Variants in FBN3 observed in about 807,000 individuals in gnomAD.
FBN3 encodes the protein fibrillin 3.
In FBN3, 234 loss-of-function variants were observed where a neutral mutation model predicts 330.1. That is an observed-to-expected ratio of 0.71 (90% CI 0.64 to 0.79). The LOEUF (loss-of-function observed/expected upper bound fraction) is 0.79, where lower values mean the gene tolerates loss of function less well. FBN3 is among the 30% of genes least tolerant of loss of function. The probability of loss-of-function intolerance (pLI) is 0.00; values close to 1 mark genes in which losing one functional copy is unlikely to be tolerated. For synonymous variants in FBN3, 1,458 were observed against 1,517.3 expected (o/e 0.96, Z 0.91); for missense variants, 3,606 against 3,886.9 (o/e 0.93, Z 1.92).
chr19:8,135,936 G>GGGGGGGGGGGCGGCCCCCCCC, intron 13 of FBN3, 25 bp downstream of exon 13: 1 of 668,776 alleles, frequency 1.5e-6, no homozygotes, highest in Non-Finnish European at 2.4e-6. Flanking sequence ...GGAAGCCCCT[G>GGGGGGGGGGGCGGCCCCCCCC]CCCACCCGCC....
At chr19:8,124,927 C>T (rs1247118679) in intron 22 of FBN3, among the ~76,000 whole-genome samples, 1 of 152,174 alleles carries the variant, frequency 6.6e-6, no homozygotes, top group East Asian at 1.9e-4. Flanking sequence ...CATAGAATGT[C>T]CAATACACCA....
At chr19:8,135,935 T>TTGGGGGGGGGGGGGGGGGGGGGGCCGG in intron 13 of FBN3, 26 bp downstream of exon 13, 1 of 1,344,156 alleles carries the variant, frequency 7.4e-7, no homozygotes, top group Non-Finnish European at 1.0e-6. Flanking sequence ...CGGAAGCCCC[T>TTGGGGGGGGGGGGGGGGGGGGGGCCGG]GCCCACCCGC....
In FBN3 at chr19:8,133,010, A is replaced by G. The variant is rs1234807075; in HGVS notation, c.1688T>C (p.Leu563Pro). ...FSCLCKPGFLLAPGGHYCMDI... is the reference protein window; with the variant it reads ...FSCLCKPGFLPAPGGHYCMDI... Reference sequence around the variant, plus strand: ...CATGCAGTAGTGGCCGCCAGGCGCCAGCAGGAAGCCGGGTTTGCAGAGGCA... The same window carrying G: ...CATGCAGTAGTGGCCGCCAGGCGCCGGCAGGAAGCCGGGTTTGCAGAGGCA... The change falls in exon 14 of 64, where the codon CTG becomes CCG. Residue 563 changes from leucine (L) to proline (P), a missense_variant. Transcript: ENST00000600128. 3.8e-6 allele frequency: 6 copies of G among 1,576,646 alleles called. No homozygotes were observed. Among genetic ancestry groups the G allele is most frequent in the Non-Finnish European group, 5.2e-6 (6 of 1,164,160 alleles).
chr19:8,130,619 A>AG lies in FBN3; in HGVS notation c.2044+615dup, dbSNP rs1555750476. On this transcript the variant is annotated intron_variant, in intron 16 of 63. Transcript: ENST00000600128. The stretch of plus-strand genomic sequence containing the variant: ...AAGAAAGAAAGAAAGAAAGAAAGAA[A>AG]GAAAGAAAGAAAGAAAGAAAGAAAG... Among the ~76,000 whole-genome samples, 13 of 9,706 alleles carry AG rather than the reference A, an allele frequency of 1.3e-3. 2 individuals are homozygous for AG. The highest frequency in any genetic ancestry group is 7.2e-3 in the African/African-American group (8 of 1,118). 6.4% of individuals were successfully genotyped at this position (9,706 alleles called of 152,430 possible).
chr19:8,103,291 C>T (rs1187612471), intron 39 of FBN3, among the ~76,000 whole-genome samples: 3 of 130,010 alleles, frequency 2.3e-5, no homozygotes, highest in African/African-American at 7.9e-5. Flanking sequence ...AAAAAGATTA[C>T]TGGCTGGCTT....
intron 57 of FBN3, among the ~76,000 whole-genome samples, chr19:8,082,870 T>C (rs1256070649): frequency 9.6e-6 from 1 of 104,218 alleles, no homozygotes; most frequent in Non-Finnish European, 1.9e-5. Flanking sequence ...TCACCCAGGC[T>C]GGACTGCAGT....
At chr19:8,100,741 G>A (rs73505652) in intron 41 of FBN3, among the ~76,000 whole-genome samples, 160 bp downstream of exon 41, 2,374 of 152,172 alleles carry the variant, frequency 0.016, 70 homozygotes, top group African/African-American at 0.055. Flanking sequence ...AAGTGTTATT[G>A]AGGGCAGGAT....
chr19:8,144,888 T>C lies in FBN3; in HGVS notation c.530A>G (p.Gln177Arg). ...CGCATGCTTGGTACCTCTCTCACAT[T>C]GAGGTCCCATGAAGCCATACACACA... ...CACVYGFMGP[Q>R]CERDYRTGPC... Residue 177 changes from glutamine (Q) to arginine (R), a missense_variant, in exon 6 of 64, where the codon CAA (glutamine) becomes CGA (arginine). Gln to Arg is a conservative substitution (Grantham distance 43, BLOSUM62 1). Coordinates refer to ENST00000600128, the MANE Select transcript of FBN3 (RefSeq NM_032447.5). 1 of 1,609,136 alleles carries C rather than the reference T, an allele frequency of 6.2e-7. No homozygotes were observed. Among genetic ancestry groups the C allele is most frequent in the Non-Finnish European group, 8.5e-7 (1 of 1,178,300 alleles).
chr19:8,127,067 T>G lies in FBN3; in HGVS notation c.2297-235A>C, dbSNP rs557490847. Among the ~76,000 whole-genome samples, 19 of 148,736 alleles carry G rather than the reference T, an allele frequency of 1.3e-4. No homozygotes were observed. The East Asian group carries it at 2.6e-3, about 20-fold the overall frequency. On this transcript the variant is annotated intron_variant, in intron 18 of 63. Coordinates refer to ENST00000600128, the MANE Select transcript of FBN3 (RefSeq NM_032447.5). The stretch of plus-strand genomic sequence containing the variant: ...CAAACTGTTTTTTTTTTGTTTTTTT[T>G]TTTTTTTTGAGACAGAGTCTCGCTC...
chr19:8,127,620 C>G (rs1010487102), intron 18 of FBN3, among the ~76,000 whole-genome samples: 2 of 152,208 alleles, frequency 1.3e-5, no homozygotes, highest in African/African-American at 4.8e-5. Context: ...TCTCCTCGGG[C>G]TTGATCATCC....
At chr19:8,128,132 C>T (rs918395030) in intron 18 of FBN3, among the ~76,000 whole-genome samples, 1 of 152,232 alleles carries the variant, frequency 6.6e-6, no homozygotes, top group Admixed American at 6.5e-5. Flanking sequence ...GCCCTGCCAG[C>T]ACACAGATAT....
At chr19:8,094,635 A>T in intron 46 of FBN3, 70 bp from the exon 47 acceptor site, 1 of 1,534,818 alleles carries the variant, frequency 6.5e-7, no homozygotes, top group Non-Finnish European at 8.9e-7. Context: ...ACTGGGACCA[A>T]CACCTGCAAT....
Position 8,138,127 on chromosome 19 carries a change from G to T in FBN3, c.1201+14C>A. 1.3e-6 allele frequency: 2 copies of T among 1,590,696 alleles called. No homozygotes were observed. The highest frequency in any genetic ancestry group is 1.8e-5 in the Admixed American group (1 of 54,090). On this transcript the variant is annotated intron_variant, in intron 10 of 63. Coordinates refer to ENST00000600128, the MANE Select transcript of FBN3 (RefSeq NM_032447.5). ...TCAAGTCTTGGAATGTTCCTCCCAAGCCCCAGGCCTCACCAATATTAGAGT... is the reference window on the plus strand; with the variant it reads ...TCAAGTCTTGGAATGTTCCTCCCAATCCCCAGGCCTCACCAATATTAGAGT...
chr19:8,088,009 C>T, intron 52 of FBN3, 51 bp downstream of exon 52: 2 of 1,614,058 alleles, frequency 1.2e-6, no homozygotes, highest in Non-Finnish European at 1.7e-6. Context: ...CCACTCCCTC[C>T]CCCAGGCATC....
chr19:8,111,145 TG>T lies in FBN3; in HGVS notation c.4122del (p.Asp1374GlufsTer80). ...DECAENVDLCDNGQCLNAPGG... is the reference protein window; with the variant it reads ...DECAENVDLCXNGQCLNAPGG... ...CCGGGCGCATTGAGGCACTGCCCGTTGTCACAGAGGTCCACGTTCTCGGCAC... is the reference window on the plus strand; with the variant it reads ...CCGGGCGCATTGAGGCACTGCCCGTTTCACAGAGGTCCACGTTCTCGGCAC... On this transcript the variant is annotated frameshift_variant, in exon 33 of 64. Transcript: ENST00000600128. LOFTEE classifies it high-confidence loss of function. The T allele has an allele frequency of 6.2e-7, 1 of 1,612,564 alleles. No individual in the cohort carries two copies. The highest frequency in any genetic ancestry group is 8.5e-7 in the Non-Finnish European group (1 of 1,179,194).
rs781083547 is a variant in FBN3 at position 8,121,396 on chromosome 19, G to GA, written c.3083-11dup. On this transcript the variant is annotated splice_polypyrimidine_tract_variant and intron_variant, in intron 24 of 63. Transcript: ENST00000600128. The surrounding 1 kb of genome is among the most constrained non-coding windows in gnomAD (Gnocchi z 4.5). Reference sequence around the variant, plus strand: ...CGACACTCGTCGATATCTGTGGGGAGAGGGGGCAGAGGCCGGAGGCGCCAT... The same window carrying GA: ...CGACACTCGTCGATATCTGTGGGGAGAAGGGGGCAGAGGCCGGAGGCGCCAT... 60 of 1,562,668 alleles carry GA rather than the reference G, an allele frequency of 3.8e-5. No homozygotes were observed. Among genetic ancestry groups the GA allele is most frequent in the Non-Finnish European group, 4.7e-5 (54 of 1,160,864 alleles).
At chr19:8,105,309 G>GTAC (rs2082415869) in intron 38 of FBN3, among the ~76,000 whole-genome samples, 1 of 149,542 alleles carries the variant, frequency 6.7e-6, no homozygotes, top group Non-Finnish European at 1.5e-5. Context: ...CCAGGCTGGA[G>GTAC]TACAGTGGCA....
At position 8,142,057 on chromosome 19, in the gene FBN3, C is replaced by T. The variant is rs768262513; in HGVS notation, c.622G>A (p.Ala208Thr). 3.7e-6 allele frequency: 6 copies of T among 1,614,106 alleles called. No homozygotes were observed. In the South Asian group the frequency reaches 5.5e-5, roughly 15 times the overall value. The change falls in exon 7 of 64, where the codon GCA becomes ACA. Residue 208 changes from alanine (A) to threonine (T), a missense_variant. Coordinates refer to ENST00000600128, the MANE Select transcript of FBN3 (RefSeq NM_032447.5). ...HQLTGLVCTKALCCATVGRAW... is the reference protein window; with the variant it reads ...HQLTGLVCTKTLCCATVGRAW... The stretch of plus-strand genomic sequence containing the variant: ...CGGCCCACAGTGGCACAGCAAAGTG[C>T]CTTGGTGCACACGAGGCCCGTCAGC...
intron 29 of FBN3, among the ~76,000 whole-genome samples, chr19:8,116,136 G>A (rs564716896): frequency 9.8e-4 from 149 of 152,162 alleles, no homozygotes; most frequent in African/African-American, 3.3e-3. Flanking sequence ...TTTCTTGGCC[G>A]GGAGTTACAT....
Sources: gnomAD v4.1 joint callset for allele counts (sites outside exome capture counted in the v4.1 genomes callset) on GRCh38, gnomAD v4.1.1 for gene constraint, Gnocchi (gnomAD v3.1) non-coding constraint, MANE v1.5 for transcripts, NCBI Gene and HGNC (gene_info 2026-07-23, HGNC 2026-07-21) for gene names.